The following USP39 variants were observed in gnomAD, a reference collection of about 807,000 sequenced individuals.
USP39 encodes ubiquitin specific peptidase 39.
A neutral mutation model predicts 66.4 loss-of-function variants in USP39; 38 were observed. That is an observed-to-expected ratio of 0.57 (90% confidence interval 0.44 to 0.75). The LOEUF is 0.75. Among genes scored for constraint, USP39 ranks in the 30% least tolerant of loss-of-function variants. The probability of loss-of-function intolerance (pLI) is 0.00; values close to 1 mark genes in which losing one functional copy is unlikely to be tolerated. For synonymous variants in USP39, 303 were observed against 274.6 expected (o/e 1.10, Z -1.02); for missense variants, 608 against 714.4 (o/e 0.85, Z 1.70).
chr2:85,643,265 C>T (rs1429621134), intron 10 of USP39, among the ~76,000 whole-genome samples: 11 of 151,922 alleles, frequency 7.2e-5, no homozygotes, highest in Non-Finnish European at 1.0e-4. Flanking sequence ...CCAAGGCGGG[C>T]GGATCACGAG....
chr2:85,639,030 T>G (rs896295176), intron 8 of USP39, among the ~76,000 whole-genome samples, 173 bp from the exon 9 acceptor site: 1 of 152,144 alleles, frequency 6.6e-6, no homozygotes, highest in African/African-American at 2.4e-5. Flanking sequence ...AGGAAACCTG[T>G]TGGTTCTTAA....
chr2:85,611,195 C>A, upstream of USP39: 2 of 1,120,740 alleles, frequency 1.8e-6, no homozygotes, highest in African/African-American at 3.3e-5. Context: ...GCGACAGAGA[C>A]CTAGTCTCAA....
upstream of USP39, chr2:85,608,997 G>C (rs1238096339): frequency 6.2e-7 from 1 of 1,614,106 alleles, no homozygotes; most frequent in Non-Finnish European, 8.5e-7. Flanking sequence ...CAACTTGAGG[G>C]CTTCTCGCAT....
chr2:85,604,773 G>A (rs1039825302), intron 1 of USP39, among the ~76,000 whole-genome samples: 1 of 152,212 alleles, frequency 6.6e-6, no homozygotes, highest in Non-Finnish European at 1.5e-5. Flanking sequence ...AACCCTAATT[G>A]GAAGCTTTGC....
chr2:85,618,655 A>G (rs2104222874), intron 1 of USP39, among the ~76,000 whole-genome samples: 1 of 151,444 alleles, frequency 6.6e-6, no homozygotes, highest in East Asian at 1.9e-4. Context: ...CATATTTCAT[A>G]TTTTTCATGC....
chr2:85,619,295 T>G lies in USP39; in HGVS notation c.338+6T>G. 2.5e-6 allele frequency: 4 copies of G among 1,612,730 alleles called. No individual in the cohort carries two copies. The highest frequency in any genetic ancestry group is 3.4e-6 in the Non-Finnish European group (4 of 1,179,438). On this transcript the variant is annotated splice_donor_region_variant and intron_variant, in intron 2 of 12. Coordinates refer to ENST00000323701, the MANE Select transcript of USP39 (RefSeq NM_006590.4). ...TACCTGGACACCATTAACAGGTCAG[T>G]AGGACAGAGATGCTGAGTATAGCAC... is the stretch of plus-strand genomic sequence containing the variant.
Position 85,637,004 on chromosome 2 carries a change from C to T in USP39, c.1028-365C>T, listed in dbSNP as rs568487381. On this transcript the variant is annotated intron_variant, in intron 7 of 12. Transcript: ENST00000323701. Reference sequence around the variant, plus strand: ...TTCATTACAGTTTGGACATTGTCTCCCTTTGAAAGTAGCTTATGGTTATGG... The same window carrying T: ...TTCATTACAGTTTGGACATTGTCTCTCTTTGAAAGTAGCTTATGGTTATGG... Among the ~76,000 whole-genome samples the T allele has an allele frequency of 2.6e-5, 4 of 152,228 alleles. No individual in the cohort carries two copies. In the East Asian group the frequency reaches 7.7e-4, roughly 29 times the overall value.
At chr2:85,646,395 C>T (rs1211455979) in intron 11 of USP39, among the ~76,000 whole-genome samples, 1 of 152,178 alleles carries the variant, frequency 6.6e-6, no homozygotes, top group Non-Finnish European at 1.5e-5. Flanking sequence ...GTACATTAAT[C>T]TCATTTCTTT....
upstream of USP39, chr2:85,609,006 A>G (rs1024118944): frequency 1.2e-6 from 2 of 1,614,126 alleles, no homozygotes; most frequent in Non-Finnish European, 1.7e-6. Context: ...GGCTTCTCGC[A>G]TGGGTGGATC....
chr2:85,616,658 T>G (rs114112597), intron 1 of USP39, among the ~76,000 whole-genome samples, 195 bp downstream of exon 1: 2,241 of 147,710 alleles, frequency 0.015, 56 homozygotes, highest in African/African-American at 0.054. Context: ...TTCTCAATAA[T>G]CGTATAGTAT....
intron 1 of USP39, 27 bp downstream of exon 1, chr2:85,616,490 G>T: frequency 7.0e-7 from 1 of 1,422,114 alleles, no homozygotes; most frequent in Non-Finnish European, 9.3e-7. Flanking sequence ...CGGGCTAGGC[G>T]CGAGAGCCTG....
intron 1 of USP39, among the ~76,000 whole-genome samples, chr2:85,603,526 G>C (rs1673083903): frequency 6.6e-6 from 1 of 151,990 alleles, no homozygotes; most frequent in Non-Finnish European, 1.5e-5. Flanking sequence ...TTACTGACCA[G>C]CTTCACCAAA....
At chr2:85,634,351 A>T (rs1194139324) in intron 6 of USP39, among the ~76,000 whole-genome samples, 1 of 151,892 alleles carries the variant, frequency 6.6e-6, no homozygotes, top group African/African-American at 2.4e-5. Flanking sequence ...AAGTGGGAGG[A>T]TTGCTTGAGC....
intron 11 of USP39, 174 bp downstream of exon 11, chr2:85,645,257 C>A: frequency 1.1e-4 from 76 of 675,026 alleles, no homozygotes; most frequent in Non-Finnish European, 1.5e-4. Flanking sequence ...TTTGGCTACA[C>A]ATTGGACTCA....
chr2:85,611,606 G>A (rs777262137), upstream of USP39: 7 of 1,556,196 alleles, frequency 4.5e-6, no homozygotes, highest in Non-Finnish European at 6.1e-6. Flanking sequence ...TCCCTATAGA[G>A]AAGGGGAGTG....
chr2:85,634,256 G>T (rs116635400), intron 6 of USP39, among the ~76,000 whole-genome samples: 1 of 151,866 alleles, frequency 6.6e-6, no homozygotes, highest in Non-Finnish European at 1.5e-5. Context: ...TACACTTCGG[G>T]TTGGTTACAA....
intron 5 of USP39, among the ~76,000 whole-genome samples, chr2:85,629,155 C>G (rs1675114221): frequency 6.6e-6 from 1 of 151,972 alleles, no homozygotes; most frequent in African/African-American, 2.4e-5. Context: ...CCTCTGCCTC[C>G]CGGGTCTAAG....
Position 85,649,267 on chromosome 2 carries a change from C to T in USP39, c.*459C>T, listed in dbSNP as rs1676884363. The T allele has an allele frequency of 6.4e-6, 1 of 155,432 alleles. No homozygotes were observed. Among genetic ancestry groups the T allele is most frequent in the Admixed American group, 6.5e-5 (1 of 15,364 alleles). 9.6% of individuals were successfully genotyped at this position (155,432 alleles called of 1,614,324 possible). ...TGTATTTTTAGATGGATTAAATAGT[C>T]TCCTGTTTTTAAACCAGCCTCTTGT... On this transcript the variant is annotated 3_prime_UTR_variant, in exon 13 of 13. Transcript: ENST00000323701.
chr2:85,618,519 G>A (rs1341434809), intron 1 of USP39, among the ~76,000 whole-genome samples: 2 of 146,678 alleles, frequency 1.4e-5, no homozygotes, highest in African/African-American at 5.0e-5. Flanking sequence ...CTGAGATCGC[G>A]CCATTGCACT....
Sources: allele counts gnomAD v4.1 joint callset (sites outside exome capture counted in the v4.1 genomes callset), GRCh38; gene constraint gnomAD v4.1.1; transcripts MANE v1.5; gene names NCBI Gene and HGNC (gene_info 2026-07-23, HGNC 2026-07-21).